Variants in DGKB observed in about 807,000 individuals in gnomAD.
The protein encoded by DGKB is diacylglycerol kinase beta, also known as 90 kDa diacylglycerol kinase.
DGKB carries 67 observed loss-of-function variants against 114.3 expected under a neutral mutation model. The observed-to-expected ratio is 0.59, with a 90% CI of 0.48 to 0.72. DGKB has a LOEUF of 0.72. DGKB is among the 30% of genes least tolerant of loss of function. The probability of loss-of-function intolerance (pLI) is 0.00; values close to 1 mark genes in which losing one functional copy is unlikely to be tolerated. For missense variants in DGKB, 907 were observed against 975.2 expected, an observed-to-expected ratio of 0.93 and a Z score of 0.93; for synonymous variants, 398 against 323.1, an observed-to-expected ratio of 1.23 and a Z score of -2.49.
chr7:14,613,475 T>A (rs1424946179), intron 15 of DGKB, 62 bp from the exon 16 acceptor site: 2 of 813,184 alleles, frequency 2.5e-6, no homozygotes, highest in Admixed American at 5.2e-5. Flanking sequence ...AGAAGACTCC[T>A]TGTTATTTCT....
intron 17 of DGKB, among the ~76,000 whole-genome samples, chr7:14,585,820 T>C (rs1800668251): frequency 3.3e-5 from 5 of 152,140 alleles, no homozygotes; most frequent in Admixed American, 3.3e-4. Flanking sequence ...ATATCTGTTA[T>C]GGTGATCTCT....
At chr7:14,942,314 C>A (rs1170057013) in intron 1 of DGKB, among the ~76,000 whole-genome samples, 25 of 151,928 alleles carry the variant, frequency 1.6e-4, no homozygotes, top group Admixed American at 1.6e-3. Context: ...TTATAATTTA[C>A]TTCTCTTTTA....
At chr7:14,901,132 A>T (rs1782984612) in intron 1 of DGKB, among the ~76,000 whole-genome samples, 1 of 152,202 alleles carries the variant, frequency 6.6e-6, no homozygotes, top group Admixed American at 6.5e-5. Context: ...ATCGCCTATA[A>T]CAAATTGGGC....
intron 23 of DGKB, among the ~76,000 whole-genome samples, chr7:14,197,921 A>C (rs1424766287): frequency 6.6e-6 from 1 of 152,074 alleles, no homozygotes; most frequent in Non-Finnish European, 1.5e-5. Context: ...AGTCCTCCTA[A>C]GTAAGGTCAC....
chr7:14,320,221 C>T (rs1480563276), intron 23 of DGKB, among the ~76,000 whole-genome samples: 3 of 152,064 alleles, frequency 2.0e-5, no homozygotes, highest in Non-Finnish European at 4.4e-5. Flanking sequence ...GCTCTCTGGC[C>T]CTACATGTCT....
In DGKB at chr7:14,717,273, T is replaced by C. The variant is rs905384160; in HGVS notation, c.466+1269A>G. Among the ~76,000 whole-genome samples the C allele has an allele frequency of 2.0e-5, 3 of 152,164 alleles. No individual in the cohort carries two copies. The East Asian group carries it at 5.8e-4, about 29-fold the overall frequency. On this transcript the variant is annotated intron_variant, in intron 6 of 25. Coordinates refer to ENST00000402815, the MANE Select transcript of DGKB (RefSeq NM_001350709.2). The stretch of plus-strand genomic sequence containing the variant: ...ATCTTGGGGAGGATGGATGGGGCCT[T>C]TATTCATTTTCAGATGTGGAAAAAA...
At chr7:14,916,271 T>G (rs1161177898) in intron 1 of DGKB, among the ~76,000 whole-genome samples, 4 of 114,546 alleles carry the variant, frequency 3.5e-5, no homozygotes, top group Non-Finnish European at 6.6e-5. Context: ...GTGAAAGCAG[T>G]GAAAGAGGGA....
At chr7:14,316,746 T>C (rs1159327753) in intron 23 of DGKB, among the ~76,000 whole-genome samples, 4 of 150,840 alleles carry the variant, frequency 2.7e-5, no homozygotes, top group Admixed American at 2.0e-4. Context: ...ACTATTCCAA[T>C]CAATAGAAAA....
At chr7:14,771,780 T>C (rs1837445754) in intron 2 of DGKB, among the ~76,000 whole-genome samples, 1 of 152,098 alleles carries the variant, frequency 6.6e-6, no homozygotes, top group Non-Finnish European at 1.5e-5. Flanking sequence ...CAATAGAGAA[T>C]CCCCTTCCCC....
chr7:14,177,968 C>G (rs901382311), intron 24 of DGKB, 63 bp downstream of exon 24: 17 of 1,465,780 alleles, frequency 1.2e-5, no homozygotes, highest in African/African-American at 1.5e-5. Context: ...GTTCTGCATA[C>G]TTTTAATTAG....
At chr7:14,629,961 G>C (rs574103402) in intron 14 of DGKB, among the ~76,000 whole-genome samples, 16 of 152,072 alleles carry the variant, frequency 1.1e-4, no homozygotes, top group African/African-American at 3.9e-4. Flanking sequence ...AAAACTCTTT[G>C]TAAAGTAACC....
chr7:14,274,942 A>AGTGT (rs10538591), intron 23 of DGKB, among the ~76,000 whole-genome samples: 1,861 of 146,368 alleles, frequency 0.013, 21 homozygotes, highest in African/African-American at 0.038. Flanking sequence ...AGTCCATAGC[A>AGTGT]GTGTGTGTGT....
At chr7:14,536,909 T>C (rs538685585) in intron 20 of DGKB, among the ~76,000 whole-genome samples, 98 of 151,750 alleles carry the variant, frequency 6.5e-4, no homozygotes, top group African/African-American at 2.3e-3. Flanking sequence ...GCTGGTGGCA[T>C]TATATAAGAA....
chr7:14,812,463 A>C (rs1321586049), intron 2 of DGKB, among the ~76,000 whole-genome samples: 1 of 152,120 alleles, frequency 6.6e-6, no homozygotes, highest in Non-Finnish European at 1.5e-5. Context: ...ACATTCACTC[A>C]CGTGGACATT....
chr7:14,242,348 A>G (rs1158482890), intron 23 of DGKB, among the ~76,000 whole-genome samples: 2 of 152,160 alleles, frequency 1.3e-5, no homozygotes, highest in African/African-American at 4.8e-5. Flanking sequence ...TTGTCCTGAA[A>G]GTGACCTCCT....
rs1383209926 is a variant in DGKB, at chr7:14,407,062, GA to G, written c.1836-61672del. Among the ~76,000 whole-genome samples the G allele has an allele frequency of 3.3e-5, 5 of 152,208 alleles. No homozygotes were observed. In the East Asian group the frequency reaches 9.7e-4, roughly 29 times the overall value. ...CTATAGAAGGTCAAACAGTAGTTAA[GA>G]AGGAGTGAAGAAGTGTGAGAGCTAA... On this transcript the variant is annotated intron_variant, in intron 21 of 25. Transcript: ENST00000402815.
intron 23 of DGKB, among the ~76,000 whole-genome samples, chr7:14,239,634 A>C (rs1793349935): frequency 6.6e-6 from 1 of 152,042 alleles, no homozygotes; most frequent in Non-Finnish European, 1.5e-5. Context: ...AACTTTGTTA[A>C]ATGACATGCT....
chr7:14,645,040 T>C (rs936117667), intron 13 of DGKB, among the ~76,000 whole-genome samples: 3 of 152,090 alleles, frequency 2.0e-5, no homozygotes, highest in Admixed American at 6.5e-5. Context: ...TCTATCTCCA[T>C]CTCACCCACT....
intron 23 of DGKB, among the ~76,000 whole-genome samples, chr7:14,199,544 C>T (rs1012907114): frequency 1.3e-5 from 2 of 151,932 alleles, no homozygotes; most frequent in Non-Finnish European, 2.9e-5. Context: ...TCACTGTGAA[C>T]TTAGAAGCAG....
Sources: allele counts gnomAD v4.1 joint callset (sites outside exome capture counted in the v4.1 genomes callset), GRCh38; gene constraint gnomAD v4.1.1; transcripts MANE v1.5; gene names NCBI Gene and HGNC (gene_info 2026-07-23, HGNC 2026-07-21).